Variants in DCLK1 observed in about 807,000 individuals in gnomAD.
DCLK1 encodes the protein doublecortin like kinase 1.
In DCLK1, 16 loss-of-function variants were observed where a neutral mutation model predicts 86.2. The ratio of observed to expected loss-of-function variants is 0.19; its 90% confidence interval spans 0.13 to 0.28. DCLK1 has a LOEUF of 0.28. DCLK1 is among the 10% of genes least tolerant of loss of function. DCLK1 has a pLI of 1.00. For missense variants in DCLK1, 590 were observed against 940.2 expected (o/e 0.63, Z 4.87); for synonymous variants, 369 against 370.5 (o/e 1.00, Z 0.05).
At chr13:35,814,274 C>T (rs1228790711) in intron 11 of DCLK1, among the ~76,000 whole-genome samples, 1 of 152,080 alleles carries the variant, frequency 6.6e-6, no homozygotes, top group African/African-American at 2.4e-5. Context: ...CGCACACACG[C>T]ACACACACAC....
chr13:35,873,801 C>A (rs191222243), intron 4 of DCLK1, among the ~76,000 whole-genome samples: 15 of 152,220 alleles, frequency 9.9e-5, no homozygotes, highest in Non-Finnish European at 1.2e-4. Context: ...GATTTCCTTT[C>A]TTGAAATCTG....
At chr13:35,863,720 G>A (rs927591767) in intron 5 of DCLK1, among the ~76,000 whole-genome samples, 2 of 152,140 alleles carry the variant, frequency 1.3e-5, no homozygotes, top group African/African-American at 4.8e-5. Context: ...GGAAAAGACT[G>A]AACTCAAAAT....
chr13:36,092,458 A>T (rs1884859413), intron 3 of DCLK1, among the ~76,000 whole-genome samples: 1 of 150,076 alleles, frequency 6.7e-6, no homozygotes, highest in Non-Finnish European at 1.5e-5. Flanking sequence ...TGCCCAAGGC[A>T]TGTCTCTTAT....
chr13:36,067,282 A>G (rs1883790709), intron 3 of DCLK1, among the ~76,000 whole-genome samples: 1 of 148,460 alleles, frequency 6.7e-6, no homozygotes, highest in African/African-American at 2.5e-5. Flanking sequence ...ATTGGAAATC[A>G]TCATTCTCAG....
At chr13:35,802,062 T>C (rs2086930913) in intron 15 of DCLK1, among the ~76,000 whole-genome samples, 1 of 152,170 alleles carries the variant, frequency 6.6e-6, no homozygotes, top group African/African-American at 2.4e-5. Flanking sequence ...GGGAAGCTGT[T>C]CTCACTACCC....
chr13:36,125,606 T>G (rs980209273), intron 2 of DCLK1, among the ~76,000 whole-genome samples, 156 bp downstream of exon 2: 2 of 152,186 alleles, frequency 1.3e-5, no homozygotes, highest in Non-Finnish European at 2.9e-5. Context: ...TCCTTTTTAC[T>G]CTACACAATA....
At chr13:36,069,461 G>T (rs1407399708) in intron 3 of DCLK1, among the ~76,000 whole-genome samples, 1 of 152,098 alleles carries the variant, frequency 6.6e-6, no homozygotes, top group East Asian at 1.9e-4. Flanking sequence ...TTTTCACCCT[G>T]AGGCTCCACA....
intron 3 of DCLK1, among the ~76,000 whole-genome samples, chr13:35,947,749 A>T (rs1464518943): frequency 6.6e-6 from 1 of 152,228 alleles, no homozygotes; most frequent in Non-Finnish European, 1.5e-5. Context: ...TCCATAATAG[A>T]GGAGGTGCAG....
chr13:35,813,743 T>TC (rs2087203480), intron 11 of DCLK1, among the ~76,000 whole-genome samples: 2 of 150,594 alleles, frequency 1.3e-5, no homozygotes, highest in South Asian at 4.2e-4. Flanking sequence ...TTTTTTTTTT[T>TC]TTTTTTGCTT....
intron 4 of DCLK1, among the ~76,000 whole-genome samples, chr13:35,910,130 A>G: frequency 6.6e-6 from 1 of 152,204 alleles, no homozygotes; most frequent in East Asian, 1.9e-4. Flanking sequence ...TATCAAGGAG[A>G]CAAAACAGGA....
chr13:36,003,210 A>G (rs1880796625), intron 3 of DCLK1, among the ~76,000 whole-genome samples: 1 of 152,156 alleles, frequency 6.6e-6, no homozygotes. Flanking sequence ...TGTTTCTGGG[A>G]CTAAACCTTG....
At chr13:35,922,722 T>C (rs759446025) in intron 4 of DCLK1, among the ~76,000 whole-genome samples, 21 of 152,224 alleles carry the variant, frequency 1.4e-4, no homozygotes, top group Non-Finnish European at 1.8e-4. Context: ...TAAATCCTGG[T>C]TGAAGACTAA....
intron 16 of DCLK1, 101 bp from the exon 17 acceptor site, chr13:35,774,800 C>G (rs1184620131): frequency 7.7e-7 from 1 of 1,298,160 alleles, no homozygotes; most frequent in Admixed American, 2.3e-5. Flanking sequence ...ATACACTGGC[C>G]AAGTTCACCT....
At chr13:36,119,522 A>G (rs985939463) in intron 2 of DCLK1, among the ~76,000 whole-genome samples, 1 of 152,204 alleles carries the variant, frequency 6.6e-6, no homozygotes, top group African/African-American at 2.4e-5. Flanking sequence ...TTTAGAGTGA[A>G]TATACCTGAC....
chr13:36,026,205 T>C (rs1441454108), intron 3 of DCLK1, among the ~76,000 whole-genome samples: 4 of 152,234 alleles, frequency 2.6e-5, no homozygotes, highest in Admixed American at 1.3e-4. Context: ...TGTGTTGATC[T>C]GGCATTATTA....
intron 16 of DCLK1, chr13:35,788,016 G>C: frequency 1.7e-6 from 1 of 598,800 alleles, no homozygotes; most frequent in Non-Finnish European, 3.0e-6. Context: ...GCTGGCAAAT[G>C]TCAGTGTGAA....
intron 4 of DCLK1, among the ~76,000 whole-genome samples, chr13:35,898,617 AC>A (rs1257226305): frequency 6.6e-6 from 1 of 152,264 alleles, no homozygotes; most frequent in Non-Finnish European, 1.5e-5. Flanking sequence ...TTTAAAATTC[AC>A]CCAGGCATGA....
chr13:36,046,888 A>C (rs1381426444), intron 3 of DCLK1, among the ~76,000 whole-genome samples: 3 of 152,220 alleles, frequency 2.0e-5, no homozygotes, highest in Admixed American at 2.0e-4. Flanking sequence ...ATAAGTGAAA[A>C]TCAGCTGTTT....
Position 35,896,571 on chromosome 13 carries a change from C to T in DCLK1, c.824-25231G>A, listed in dbSNP as rs1018441501. Reference sequence around the variant, plus strand: ...AAAAAAAAAAAAAAGTTAAAATATGCTGTTAGAACTTGATATATAGAAAAA... The same window carrying T: ...AAAAAAAAAAAAAAGTTAAAATATGTTGTTAGAACTTGATATATAGAAAAA... On this transcript the variant is annotated intron_variant, in intron 4 of 16. Coordinates refer to ENST00000360631, the MANE Select transcript of DCLK1 (RefSeq NM_001330071.2). Among the ~76,000 whole-genome samples, 392 of 133,442 alleles carry T rather than the reference C, an allele frequency of 2.9e-3. 3 individuals carry two copies. Among genetic ancestry groups the T allele is most frequent in the African/African-American group, 0.01 (369 of 36,058 alleles). 87.5% of individuals were successfully genotyped at this position (133,442 alleles called of 152,430 possible). A position where few individuals can be genotyped will look rare whatever the true frequency, so the allele number is the denominator to read the frequency against.
Sources: gnomAD v4.1 joint callset for allele counts (sites outside exome capture counted in the v4.1 genomes callset) on GRCh38, gnomAD v4.1.1 for gene constraint, MANE v1.5 for transcripts, NCBI Gene and HGNC (gene_info 2026-07-23, HGNC 2026-07-21) for gene names.